MAB21L1: variants seen among roughly 807,000 people sequenced by gnomAD.
The protein encoded by MAB21L1 is putative nucleotidyltransferase MAB21L1.
A neutral mutation model predicts 28.9 loss-of-function variants in MAB21L1; 8 were observed. The observed-to-expected ratio is 0.28, with a 90% CI of 0.16 to 0.50. The LOEUF is 0.50. Among genes scored for constraint, MAB21L1 ranks in the 20% least tolerant of loss-of-function variants. The pLI is 0.98. For missense variants in MAB21L1, 388 were observed against 466.5 expected (o/e 0.83, Z 1.55); for synonymous variants, 219 against 198.2 (o/e 1.10, Z -0.88).
Position 35,476,415 on chromosome 13 carries a change from C to A in MAB21L1, c.-277G>T. Reference sequence around the variant, plus strand: ...TTAAAGTGAAAGACTGTCCTCCCCCCTCTGCTTGTCTCTCTTCCTCTTTTA... The same window carrying A: ...TTAAAGTGAAAGACTGTCCTCCCCCATCTGCTTGTCTCTCTTCCTCTTTTA... On this transcript the variant is annotated 5_prime_UTR_variant, in exon 1 of 1. In the 5' UTR this introduces an upstream ATG that the reference lacks. Transcript: ENST00000379919. 1 of 966,402 alleles carries A rather than the reference C, an allele frequency of 1.0e-6. No homozygotes were observed. The highest frequency in any genetic ancestry group is 1.4e-5 in the South Asian group (1 of 72,092). 59.9% of individuals were successfully genotyped at this position (966,402 alleles called of 1,614,324 possible). A position where few individuals can be genotyped will look rare whatever the true frequency, so the allele number is the denominator to read the frequency against.
In MAB21L1 at chr13:35,474,481, T is replaced by A. The variant is rs192175525; in HGVS notation, c.*578A>T. ...AGACACTTTCAAAGACAGATAAAAG[T>A]ACCAGGAAGAAATCTACCTTTAAAT... On this transcript the variant is annotated 3_prime_UTR_variant, in exon 1 of 1. Coordinates refer to ENST00000379919, the MANE Select transcript of MAB21L1 (RefSeq NM_005584.5). 2.6e-5 allele frequency: 4 copies of A among 152,786 alleles called. No individual in the cohort carries two copies. The highest frequency in any genetic ancestry group is 9.6e-5 in the African/African-American group (4 of 41,590). 9.5% of individuals were successfully genotyped at this position (152,786 alleles called of 1,614,324 possible). A position where few individuals can be genotyped will look rare whatever the true frequency, so the allele number is the denominator to read the frequency against.
rs2075837896 is a variant in MAB21L1 at position 35,475,822 on chromosome 13, C to G, written c.317G>C (p.Arg106Pro). The change falls in exon 1 of 1, where the codon CGC (arginine) becomes CCC (proline). Residue 106 changes from arginine to proline, a missense_variant. Transcript: ENST00000379919. ...CACCCAGAGGGACATGCTCCTCTTG[C>G]GCCCGTCGCTCAACTTCAGCACCGC... is the stretch of plus-strand genomic sequence containing the variant. The part of the protein sequence containing the change: ...GCAVLKLSDG[R>P]KRSMSLWVEF... 1 of 1,613,968 alleles carries G rather than the reference C, an allele frequency of 6.2e-7. No homozygotes were observed. Among genetic ancestry groups the G allele is most frequent in the Non-Finnish European group, 8.5e-7 (1 of 1,180,012 alleles).
rs1458483601 is a variant in MAB21L1 at position 35,473,976 on chromosome 13, T to C, written c.*1083A>G. On this transcript the variant is annotated 3_prime_UTR_variant, in exon 1 of 1. Transcript: ENST00000379919. ...AAGAGCAAGCTTTCAAAGGTAGATTTAAATTGTTTCTGTTGTAGAAAGGAA... is the reference window on the plus strand; with the variant it reads ...AAGAGCAAGCTTTCAAAGGTAGATTCAAATTGTTTCTGTTGTAGAAAGGAA... 1.3e-5 allele frequency among the ~76,000 whole-genome samples: 2 copies of C among 152,320 alleles called. No homozygotes were observed. The highest frequency in any genetic ancestry group is 1.9e-4 in the East Asian group (1 of 5,186).
At position 35,475,212 on chromosome 13, in the gene MAB21L1, G is replaced by A. The variant is rs2152960665; in HGVS notation, c.927C>T (p.Ser309=). The A allele has an allele frequency of 6.2e-7, 1 of 1,614,034 alleles. No individual in the cohort carries two copies. The highest frequency in any genetic ancestry group is 8.5e-7 in the Non-Finnish European group (1 of 1,180,030). The change falls in exon 1 of 1, where the codon TCC becomes TCT. Residue 309 remains serine, a synonymous_variant. Coordinates refer to ENST00000379919, the MANE Select transcript of MAB21L1 (RefSeq NM_005584.5). ...GGGGACACCGCCGGCACTGCAGGCA[G>A]GAGATAAGTTGCAGCAAAATCCCGT... The part of the protein sequence containing the change: ...RLNGILLQLI[S]CLQCRRCPHY...
In MAB21L1 at chr13:35,474,924, T is replaced by G. The variant is rs559548680; in HGVS notation, c.*135A>C. The G allele has an allele frequency of 1.8e-6, 2 of 1,104,790 alleles. No homozygotes were observed. Among genetic ancestry groups the G allele is most frequent in the Non-Finnish European group, 2.6e-6 (2 of 769,408 alleles). 68.4% of individuals were successfully genotyped at this position (1,104,790 alleles called of 1,614,324 possible). On this transcript the variant is annotated 3_prime_UTR_variant, in exon 1 of 1. Coordinates refer to ENST00000379919, the MANE Select transcript of MAB21L1 (RefSeq NM_005584.5). ...GGGGGTGGGTGAGATGATGTTTAAATATTGTATTATTATTCCTTTTTAAAG... is the reference window on the plus strand; with the variant it reads ...GGGGGTGGGTGAGATGATGTTTAAAGATTGTATTATTATTCCTTTTTAAAG...
At position 35,475,362 on chromosome 13, in the gene MAB21L1, A is replaced by G. The variant is rs2075817128; in HGVS notation, c.777T>C (p.Asp259=). Residue 259 remains aspartate (D), a synonymous_variant, in exon 1 of 1, where the codon GAT becomes GAC. Transcript: ENST00000379919. ...GCTGGCCCGGCAGTTCAAGGTGACG[A>G]TCCCTTAAGGTTTTGAGGATGGAGA... ...KCLSILKTLR[D]RHLELPGQPL... is the part of the protein sequence containing the mutation. The G allele has an allele frequency of 6.2e-7, 1 of 1,613,900 alleles. No individual in the cohort carries two copies.
Position 35,476,213 on chromosome 13 carries a change from G to C in MAB21L1, c.-75C>G, listed in dbSNP as rs535310771. ...GGATCCAATGCGGCTGCTAGAGCTG[G>C]AGCCAACTTCGGTGGAGAAACGGGC... On this transcript the variant is annotated 5_prime_UTR_variant, in exon 1 of 1. Transcript: ENST00000379919. The C allele has an allele frequency of 6.2e-7, 1 of 1,607,138 alleles. No individual in the cohort carries two copies. Among genetic ancestry groups the C allele is most frequent in the African/African-American group, 1.3e-5 (1 of 74,956 alleles).
Position 35,475,512 on chromosome 13 carries a change from A to T in MAB21L1, c.627T>A (p.Asn209Lys). 1 of 1,612,050 alleles carries T rather than the reference A, an allele frequency of 6.2e-7. No homozygotes were observed. The highest frequency in any genetic ancestry group is 1.1e-5 in the South Asian group (1 of 90,980). ...AGGAGTGGCACTCCTTGGACAAGAG[A>T]TTGAAACCTTCCGCCTTGACCTCCG... ...RVAEVKAEGFNLLSKECHSLA... is the reference protein window; with the variant it reads ...RVAEVKAEGFKLLSKECHSLA... Residue 209 changes from asparagine (N) to lysine (K), a missense_variant, in exon 1 of 1, where the codon AAT (asparagine) becomes AAA (lysine). Physicochemically the swap from Asn to Lys is moderately conservative, Grantham distance 94. Coordinates refer to ENST00000379919, the MANE Select transcript of MAB21L1 (RefSeq NM_005584.5).
rs1566191110 is a variant in MAB21L1 at position 35,476,295 on chromosome 13, CCCTGCTGCTGCTGCTGCT to C, written c.-175_-158del. On this transcript the variant is annotated 5_prime_UTR_variant, in exon 1 of 1. Transcript: ENST00000379919. ...TTCGGAAGTGCTGCAGCGTTGGTTT[CCCTGCTGCTGCTGCTGCT>C]GCTGCTGCTGCTGCTGCTGCTGCTG... 5.7e-6 allele frequency: 5 copies of C among 882,162 alleles called. No homozygotes were observed. Among genetic ancestry groups the C allele is most frequent in the Non-Finnish European group, 8.5e-6 (5 of 588,820 alleles). The allele number at this position is 882,162 out of a possible 1,614,324, so 54.6% of individuals were successfully genotyped here.
In MAB21L1 at chr13:35,475,804, A is replaced by G. The variant is rs1291576710; in HGVS notation, c.335T>C (p.Leu112Pro). ...LSDGRKRSMS[L>P]WVEFITASGY... ...GGAGGCGGTAATGAATTCCACCCAG[A>G]GGGACATGCTCCTCTTGCGCCCGTC... Residue 112 changes from leucine to proline, a missense_variant, in exon 1 of 1, where the codon CTC (leucine) becomes CCC (proline). Physicochemically the swap from Leu to Pro is moderately conservative, Grantham distance 98. This residue lies in a region of MAB21L1 where 81 missense variants were observed against 153.7 expected (regional missense o/e 0.53). Transcript: ENST00000379919. The G allele has an allele frequency of 6.2e-7, 1 of 1,613,890 alleles. No individual in the cohort carries two copies. The highest frequency in any genetic ancestry group is 1.1e-5 in the South Asian group (1 of 91,072).
At position 35,474,418 on chromosome 13, in the gene MAB21L1, A is replaced by G. The variant is rs1351151653; in HGVS notation, c.*641T>C. On this transcript the variant is annotated 3_prime_UTR_variant, in exon 1 of 1. Transcript: ENST00000379919. ...TTTATGGAATGTTAGAAATAGAACA[A>G]GCAATATTTGAAACAAAATGTAAAC... 6.5e-6 allele frequency: 1 copy of G among 152,706 alleles called. No individual in the cohort carries two copies. The highest frequency in any genetic ancestry group is 1.5e-5 in the Non-Finnish European group (1 of 68,048). 9.5% of individuals were successfully genotyped at this position (152,706 alleles called of 1,614,324 possible). A position where few individuals can be genotyped will look rare whatever the true frequency, so the allele number is the denominator to read the frequency against.
In MAB21L1 at chr13:35,475,364, C is replaced by A. The variant is rs1334932477; in HGVS notation, c.775G>T (p.Asp259Tyr). Residue 259 changes from aspartate (D) to tyrosine (Y), a missense_variant, in exon 1 of 1, where the codon GAT (aspartate) becomes TAT (tyrosine). By Grantham distance (160) the Asp-to-Tyr change is radical. Around this residue, in one of 3 missense-constraint regions of MAB21L1, gnomAD observed 218 missense variants for 220.6 expected, o/e 0.99. Coordinates refer to ENST00000379919, the MANE Select transcript of MAB21L1 (RefSeq NM_005584.5). The part of the protein sequence containing the change: ...KCLSILKTLR[D>Y]RHLELPGQPL... Reference sequence around the variant, plus strand: ...TGGCCCGGCAGTTCAAGGTGACGATCCCTTAAGGTTTTGAGGATGGAGAGG... The same window carrying A: ...TGGCCCGGCAGTTCAAGGTGACGATACCTTAAGGTTTTGAGGATGGAGAGG... 2 of 1,613,806 alleles carry A rather than the reference C, an allele frequency of 1.2e-6. No individual in the cohort carries two copies. Among genetic ancestry groups the A allele is most frequent in the African/African-American group, 2.7e-5 (2 of 74,820 alleles).
rs879853342 is a variant in MAB21L1 at position 35,473,916 on chromosome 13, G to A, written c.*1143C>T. ...CTCAGTCATCTCTACTGTCATGATA[G>A]ACTTTTTTTCTTATATTATCAAAAA... On this transcript the variant is annotated 3_prime_UTR_variant, in exon 1 of 1. Transcript: ENST00000379919. 2.6e-5 allele frequency among the ~76,000 whole-genome samples: 4 copies of A among 152,026 alleles called. No individual in the cohort carries two copies. Among genetic ancestry groups the A allele is most frequent in the Non-Finnish European group, 4.4e-5 (3 of 67,982 alleles).
rs778478337 is a variant in MAB21L1 at position 35,475,956 on chromosome 13, A to T, written c.183T>A (p.Asn61Lys). The stretch of plus-strand genomic sequence containing the variant: ...AGATGACCTCGAGGCCCTCGTAGCG[A>T]TTGTCCATCTCGTTGAGAGAGCTGA... ...RFISSLNEMD[N>K]RYEGLEVISP... is the part of the protein sequence containing the mutation. Residue 61 changes from asparagine (N) to lysine (K), a missense_variant, in exon 1 of 1, where the codon AAT becomes AAA. This residue lies in a region of MAB21L1 where 89 missense variants were observed against 92.2 expected (regional missense o/e 0.97). Coordinates refer to ENST00000379919, the MANE Select transcript of MAB21L1 (RefSeq NM_005584.5). 11 of 1,613,940 alleles carry T rather than the reference A, an allele frequency of 6.8e-6. No individual in the cohort carries two copies. The highest frequency in any genetic ancestry group is 8.5e-6 in the Non-Finnish European group (10 of 1,180,026).
At position 35,475,474 on chromosome 13, in the gene MAB21L1, T is replaced by A. The variant is rs767284546; in HGVS notation, c.665A>T (p.Gln222Leu). Residue 222 changes from glutamine (Q) to leucine (L), a missense_variant, in exon 1 of 1, where the codon CAG (glutamine) becomes CTG (leucine). Physicochemically the swap from Gln to Leu is moderately radical, Grantham distance 113 (BLOSUM62 -2). Around this residue, in one of 3 missense-constraint regions of MAB21L1, gnomAD observed 218 missense variants for 220.6 expected, o/e 0.99. Transcript: ENST00000379919. ...CCAGGCGTCGCTCTCCGCCGAGCTCTGCTTGCCGGCCAAGGAGTGGCACTC... is the reference window on the plus strand; with the variant it reads ...CCAGGCGTCGCTCTCCGCCGAGCTCAGCTTGCCGGCCAAGGAGTGGCACTC... ...SKECHSLAGKQSSAESDAWVL... is the reference protein window; with the variant it reads ...SKECHSLAGKLSSAESDAWVL... 2 of 1,612,608 alleles carry A rather than the reference T, an allele frequency of 1.2e-6. No individual in the cohort carries two copies. Among genetic ancestry groups the A allele is most frequent in the South Asian group, 2.2e-5 (2 of 90,990 alleles).
chr13:35,475,729 G>A lies in MAB21L1; in HGVS notation c.410C>T (p.Ala137Val), dbSNP rs148963167. The part of the protein sequence containing the change: ...KIRSRFQTLV[A>V]QAVDKCSYRD... Reference sequence around the variant, plus strand: ...GTAGCTACATTTGTCTACCGCTTGAGCCACCAGCGTCTGAAACCTGGACCG... The same window carrying A: ...GTAGCTACATTTGTCTACCGCTTGAACCACCAGCGTCTGAAACCTGGACCG... Residue 137 changes from alanine to valine, a missense_variant, in exon 1 of 1, where the codon GCT (alanine) becomes GTT (valine). Ala to Val is a moderately conservative substitution (Grantham distance 64). This residue lies in a region of MAB21L1 where 81 missense variants were observed against 153.7 expected (regional missense o/e 0.53). Coordinates refer to ENST00000379919, the MANE Select transcript of MAB21L1 (RefSeq NM_005584.5). 7 of 1,613,750 alleles carry A rather than the reference G, an allele frequency of 4.3e-6. No homozygotes were observed. Among genetic ancestry groups the A allele is most frequent in the Non-Finnish European group, 5.9e-6 (7 of 1,180,006 alleles).
chr13:35,473,911 TG>T lies in MAB21L1; in HGVS notation c.*1147del, dbSNP rs1202882909. Among the ~76,000 whole-genome samples the T allele has an allele frequency of 2.0e-5, 3 of 152,170 alleles. No homozygotes were observed. The highest frequency in any genetic ancestry group is 4.4e-5 in the Non-Finnish European group (3 of 68,010). Reference sequence around the variant, plus strand: ...TTTAACTCAGTCATCTCTACTGTCATGATAGACTTTTTTTCTTATATTATCA... The same window carrying T: ...TTTAACTCAGTCATCTCTACTGTCATATAGACTTTTTTTCTTATATTATCA... On this transcript the variant is annotated 3_prime_UTR_variant, in exon 1 of 1. Coordinates refer to ENST00000379919, the MANE Select transcript of MAB21L1 (RefSeq NM_005584.5).
rs1344885811 is a variant in MAB21L1 at position 35,476,675 on chromosome 13, G to A, written c.-537C>T. On this transcript the variant is annotated 5_prime_UTR_variant, in exon 1 of 1. Coordinates refer to ENST00000379919, the MANE Select transcript of MAB21L1 (RefSeq NM_005584.5). ...GCGTGTGTATATGTCAGAAGAAGCTGCTGTTGGTTTGTCTAAGAGCCCAGA... is the reference window on the plus strand; with the variant it reads ...GCGTGTGTATATGTCAGAAGAAGCTACTGTTGGTTTGTCTAAGAGCCCAGA... 9.4e-6 allele frequency: 7 copies of A among 747,956 alleles called. No homozygotes were observed. The highest frequency in any genetic ancestry group is 1.3e-5 in the Non-Finnish European group (7 of 547,140). The allele number at this position is 747,956 out of a possible 1,614,324, so 46.3% of individuals were successfully genotyped here.
Position 35,475,221 on chromosome 13 carries a change from T to C in MAB21L1, c.918A>G (p.Gln306=), listed in dbSNP as rs200621349. 1.1e-5 allele frequency: 18 copies of C among 1,613,904 alleles called. No homozygotes were observed. The highest frequency in any genetic ancestry group is 1.4e-5 in the Non-Finnish European group (17 of 1,179,994). The change falls in exon 1 of 1, where the codon CAA becomes CAG. Residue 306 remains glutamine (Q), a synonymous_variant. Transcript: ENST00000379919. ...GCCGGCACTGCAGGCAGGAGATAAG[T>C]TGCAGCAAAATCCCGTTCAGCCGAT... ...LGDRLNGILL[Q]LISCLQCRRC...
Sources: gnomAD v4.1 joint callset for allele counts (sites outside exome capture counted in the v4.1 genomes callset) on GRCh38, gnomAD v4.1.1 for gene constraint, gnomAD v4.1.1 regional missense constraint, MANE v1.5 for transcripts, NCBI Gene and HGNC (gene_info 2026-07-23, HGNC 2026-07-21) for gene names.